Variants in SPEN observed in about 807,000 individuals in gnomAD.
The protein encoded by SPEN is spen family transcriptional repressor, also known as msx2-interacting protein.
In SPEN, 18 loss-of-function variants were observed where a neutral mutation model predicts 269.9. The observed-to-expected ratio is 0.07, with a 90% CI of 0.05 to 0.10. The LOEUF (loss-of-function observed/expected upper bound fraction) is 0.10, where lower values mean the gene tolerates loss of function less well. Ranked by LOEUF, SPEN falls within the 10% of genes least tolerant of loss-of-function variation. The pLI, the probability that SPEN is intolerant of heterozygous loss-of-function variation, is 1.00. For missense variants in SPEN, 3,822 were observed against 4,631.2 expected (o/e 0.83, Z 5.07); for synonymous variants, 1,726 against 1,765.7 (o/e 0.98, Z 0.56).
In SPEN at chr1:15,928,837, G is replaced by C; in HGVS notation, c.2597G>C (p.Gly866Ala). 1.2e-6 allele frequency: 2 copies of C among 1,614,090 alleles called. No homozygotes were observed. The highest frequency in any genetic ancestry group is 1.1e-5 in the South Asian group (1 of 91,084). The change falls in exon 11 of 15, where the codon GGA becomes GCA. Residue 866 changes from glycine (G) to alanine (A), a missense_variant. Around this residue, in one of 16 missense-constraint regions of SPEN, gnomAD observed 572 missense variants for 582.6 expected, o/e 0.98. Transcript: ENST00000375759. This position sits in a 1 kb window ranked among gnomAD's most constrained non-coding sequence, Gnocchi z 5.7. ...KLSREKADKE[G>A]IAKNRLELMP... ...AGCAGAGAGAAAGCTGACAAAGAGG[G>C]AATAGCGAAAAACCGCCTGGAACTC...
intron 1 of SPEN, among the ~76,000 whole-genome samples, chr1:15,859,358 CTTTTTT>C (rs143092339): frequency 8.7e-6 from 1 of 115,606 alleles, no homozygotes; most frequent in Non-Finnish European, 1.7e-5. Context: ...TTTTTCTTTT[CTTTTTT>C]TTTTTTTTTT....
intron 9 of SPEN, among the ~76,000 whole-genome samples, 190 bp from the exon 10 acceptor site, chr1:15,922,059 G>T (rs1166297966): frequency 6.6e-6 from 1 of 152,116 alleles, no homozygotes; most frequent in Admixed American, 6.5e-5. Context: ...TTTTATCACG[G>T]TTTATACAGA....
intron 13 of SPEN, 131 bp from the exon 14 acceptor site, chr1:15,938,587 T>G: frequency 2.9e-6 from 1 of 346,494 alleles, no homozygotes; most frequent in Non-Finnish European, 4.9e-6. Context: ...TTTTTTTTCA[T>G]TCAAATATCA....
chr1:15,919,064 G>A lies in SPEN; in HGVS notation c.1521+13G>A, dbSNP rs1166875226. 5.0e-6 allele frequency: 8 copies of A among 1,602,616 alleles called. No homozygotes were observed. Among genetic ancestry groups the A allele is most frequent in the Non-Finnish European group, 6.8e-6 (8 of 1,176,470 alleles). ...TAATCGCCTCAAGGTAAATGAATTT[G>A]CATAAATTATTGTGCTGTTATGATT... On this transcript the variant is annotated intron_variant, in intron 7 of 14. Transcript: ENST00000375759.
At chr1:15,850,489 G>C (rs57755226) in intron 1 of SPEN, among the ~76,000 whole-genome samples, 4,576 of 151,782 alleles carry the variant, frequency 0.03, 243 homozygotes, top group African/African-American at 0.11. Flanking sequence ...AAGGTATACA[G>C]AGAAAAATCT....
chr1:15,859,518 C>T (rs1034126418), intron 1 of SPEN, among the ~76,000 whole-genome samples: 1 of 151,654 alleles, frequency 6.6e-6, no homozygotes, highest in African/African-American at 2.4e-5. Flanking sequence ...CCACAGCCCC[C>T]GCCACCACGC....
At chr1:15,881,049 G>A (rs911037240) in intron 3 of SPEN, among the ~76,000 whole-genome samples, 8 of 152,126 alleles carry the variant, frequency 5.3e-5, no homozygotes, top group Non-Finnish European at 7.4e-5. Context: ...GGAGTGCAGT[G>A]GTCATAGCTC....
At position 15,930,782 on chromosome 1, in the gene SPEN, C is replaced by A. The variant is rs1316852531; in HGVS notation, c.4542C>A (p.Asp1514Glu). 6.2e-7 allele frequency: 1 copy of A among 1,614,046 alleles called. No homozygotes were observed. Among genetic ancestry groups the A allele is most frequent in the South Asian group, 1.1e-5 (1 of 91,084 alleles). Residue 1514 changes from aspartate (D) to glutamate (E), a missense_variant, in exon 11 of 15, where the codon GAC (aspartate) becomes GAA (glutamate). Around this residue, in one of 16 missense-constraint regions of SPEN, gnomAD observed 533 missense variants for 618.8 expected, o/e 0.86. Coordinates refer to ENST00000375759, the MANE Select transcript of SPEN (RefSeq NM_015001.3). The surrounding 1 kb of genome is among the most constrained non-coding windows in gnomAD (Gnocchi z 5.3). ...SEGKMDDKKE[D>E]HKEEEQERQE... ...GGAAAATGGATGATAAGAAAGAGGA[C>A]CATAAAGAAGAAGAGCAAGAGAGGC... is the stretch of plus-strand genomic sequence containing the variant.
In SPEN at chr1:15,935,779, T is replaced by C; in HGVS notation, c.9539T>C (p.Met3180Thr). ...TAPVQSEVLV[M>T]QSEYRLHPYT... ...CCTGTGCAGTCAGAGGTACTAGTCA[T>C]GCAGTCTGAGTACCGACTGCACCCC... The change falls in exon 11 of 15, where the codon ATG becomes ACG. Residue 3180 changes from methionine to threonine, a missense_variant. Met to Thr is a moderately conservative substitution (Grantham distance 81). Transcript: ENST00000375759. The surrounding 1 kb of genome is among the most constrained non-coding windows in gnomAD (Gnocchi z 7.7). 1 of 1,613,856 alleles carries C rather than the reference T, an allele frequency of 6.2e-7. No homozygotes were observed. Among genetic ancestry groups the C allele is most frequent in the Non-Finnish European group, 8.5e-7 (1 of 1,180,008 alleles).
In SPEN at chr1:15,876,221, C is replaced by T. The variant is rs1264922761; in HGVS notation, c.424C>T (p.Arg142Cys). The change falls in exon 3 of 15, where the codon CGT (arginine) becomes TGT (cysteine). Residue 142 changes from arginine to cysteine, a missense_variant. Coordinates refer to ENST00000375759, the MANE Select transcript of SPEN (RefSeq NM_015001.3). The stretch of plus-strand genomic sequence containing the variant: ...ATGCAGGGCTTCAGATAACAGGGAG[C>T]GTGCTTATGAACATAGTGCCTATGG... The part of the protein sequence containing the change: ...RLDGASDNRE[R>C]AYEHSAYGHH... The T allele has an allele frequency of 2.5e-6, 4 of 1,611,760 alleles. No individual in the cohort carries two copies. In the South Asian group the frequency reaches 3.3e-5, roughly 13 times the overall value.
chr1:15,891,731 C>T (rs1237963035), intron 3 of SPEN, among the ~76,000 whole-genome samples: 7 of 151,944 alleles, frequency 4.6e-5, no homozygotes, highest in Non-Finnish European at 7.4e-5. Context: ...CTCAAGTGAT[C>T]CTCCTGCCTT....
intron 3 of SPEN, among the ~76,000 whole-genome samples, chr1:15,889,945 C>G (rs2070773374): frequency 1.3e-5 from 2 of 152,110 alleles, no homozygotes; most frequent in African/African-American, 4.8e-5. Context: ...GAACTCCCAA[C>G]CTCAGGTGAT....
chr1:15,890,558 G>GT (rs1174783667), intron 3 of SPEN, among the ~76,000 whole-genome samples: 3,088 of 128,912 alleles, frequency 0.024, 63 homozygotes, highest in East Asian at 0.026. Context: ...TTTGACTCAG[G>GT]TTTTTTTTTT....
intron 1 of SPEN, among the ~76,000 whole-genome samples, chr1:15,868,021 T>C (rs2070532435): frequency 1.3e-5 from 2 of 151,844 alleles, no homozygotes; most frequent in South Asian, 2.1e-4. Flanking sequence ...TTTTGTAGAG[T>C]TGGGATTTTG....
chr1:15,938,613 T>TC, intron 13 of SPEN, 105 bp from the exon 14 acceptor site: 1 of 788,154 alleles, frequency 1.3e-6, no homozygotes, highest in Non-Finnish European at 1.8e-6. Context: ...GCCTTTAAAG[T>TC]CATCTCAGAG....
chr1:15,873,956 G>A (rs1232925014), intron 2 of SPEN: 3 of 1,183,826 alleles, frequency 2.5e-6, no homozygotes, highest in African/African-American at 1.6e-5. Flanking sequence ...AACACATGGT[G>A]ATGATCAGTT....
At chr1:15,869,708 C>T (rs181343030) in intron 1 of SPEN, among the ~76,000 whole-genome samples, 2 of 152,012 alleles carry the variant, frequency 1.3e-5, no homozygotes, top group Admixed American at 1.3e-4. Flanking sequence ...CTGCCTCAAC[C>T]TCCCAAATTA....
Position 15,847,786 on chromosome 1 carries a change from TCCCCCGCCCG to T in SPEN, c.-277_-268del. The T allele has an allele frequency of 5.0e-6, 1 of 200,564 alleles. No individual in the cohort carries two copies. 12.4% of individuals were successfully genotyped at this position (200,564 alleles called of 1,614,324 possible). ...GTGTCCCGCTCGCCCCTCCTCCCGC[TCCCCCGCCCG>T]CCCCTGCCCGGGCGCATGCGCTGCC... is the stretch of plus-strand genomic sequence containing the variant. On this transcript the variant is annotated 5_prime_UTR_variant, in exon 1 of 15. Coordinates refer to ENST00000375759, the MANE Select transcript of SPEN (RefSeq NM_015001.3).
chr1:15,849,411 CATTG>C (rs1344194198), intron 1 of SPEN, among the ~76,000 whole-genome samples: 1 of 152,222 alleles, frequency 6.6e-6, no homozygotes, highest in East Asian at 1.9e-4. Context: ...AATGGAGGAT[CATTG>C]ATTGTGTTGG....
Sources: gnomAD v4.1 joint callset for allele counts (sites outside exome capture counted in the v4.1 genomes callset) on GRCh38, gnomAD v4.1.1 for gene constraint, gnomAD v4.1.1 regional missense constraint, Gnocchi (gnomAD v3.1) non-coding constraint, MANE v1.5 for transcripts, NCBI Gene and HGNC (gene_info 2026-07-23, HGNC 2026-07-21) for gene names.